Variants in HEXB observed in about 807,000 individuals in gnomAD.
The protein encoded by HEXB is beta-hexosaminidase subunit beta.
In HEXB, 51 loss-of-function variants were observed where a neutral mutation model predicts 71.2. The observed-to-expected ratio is 0.72, with a 90% CI of 0.57 to 0.90. The LOEUF is 0.90. HEXB is among the 40% of genes least tolerant of loss of function. The pLI, the probability that HEXB is intolerant of heterozygous loss-of-function variation, is 0.00. For missense variants in HEXB, 617 were observed against 677.0 expected, an observed-to-expected ratio of 0.91 and a Z score of 0.98; for synonymous variants, 266 against 249.3, an observed-to-expected ratio of 1.07 and a Z score of -0.63.
In HEXB at chr5:74,652,739, C is replaced by T. The variant is rs1580359485; in HGVS notation, c.-377+12181C>T. On this transcript the variant is annotated intron_variant, in intron 1 of 13. Transcript: ENST00000511181. This position sits in a 1 kb window ranked among gnomAD's most constrained non-coding sequence, Gnocchi z 5.4. ...GGGATAGAGGCTCATCTGGTCCTCC[C>T]ACATCTGCCCACAGCACCAGCTCCG... Among the ~76,000 whole-genome samples the T allele has an allele frequency of 6.6e-6, 1 of 152,070 alleles. No individual in the cohort carries two copies. The highest frequency in any genetic ancestry group is 2.4e-5 in the African/African-American group (1 of 41,396).
intron 11 of HEXB, 50 bp downstream of exon 11, chr5:74,719,021 G>T (rs1285258214): frequency 6.4e-7 from 1 of 1,562,616 alleles, no homozygotes; most frequent in Admixed American, 1.7e-5. Flanking sequence ...GAAGCTGATG[G>T]TAAGTGAAGC....
At chr5:74,676,407 C>T (rs1748630754) in intron 1 of HEXB, among the ~76,000 whole-genome samples, 1 of 152,206 alleles carries the variant, frequency 6.6e-6, no homozygotes, top group Non-Finnish European at 1.5e-5. Context: ...AGCTTCTGGA[C>T]TGAAGTGCCA....
At chr5:74,666,144 A>G (rs977509552) in intron 1 of HEXB, among the ~76,000 whole-genome samples, 1 of 152,196 alleles carries the variant, frequency 6.6e-6, no homozygotes, top group Non-Finnish European at 1.5e-5. Context: ...AAGCCCATTT[A>G]TTTCCAGGGG....
upstream of HEXB, chr5:74,685,046 G>A: frequency 1.9e-6 from 1 of 537,394 alleles, no homozygotes; most frequent in Non-Finnish European, 3.2e-6. Flanking sequence ...GCTCCTACCC[G>A]AGGGCACCCC....
At chr5:74,647,595 G>T (rs929195074) in intron 1 of HEXB, among the ~76,000 whole-genome samples, 1 of 152,328 alleles carries the variant, frequency 6.6e-6, no homozygotes, top group South Asian at 2.1e-4. Context: ...ACATGAACAA[G>T]GATATATACA....
chr5:74,685,361 C>G lies in HEXB; in HGVS notation c.101C>G (p.Ala34Gly), dbSNP rs957093606. The G allele has an allele frequency of 6.3e-7, 1 of 1,586,968 alleles. No individual in the cohort carries two copies. Among genetic ancestry groups the G allele is most frequent in the African/African-American group, 1.3e-5 (1 of 74,080 alleles). ...AAMLALLTQV[A>G]LVVQVAEAAR... ...ATGTTGGCGCTGCTGACTCAGGTGG[C>G]GCTGGTGGTGCAGGTGGCGGAGGCG... Residue 34 changes from alanine (A) to glycine (G), a missense_variant, in exon 1 of 14, where the codon GCG becomes GGG. By Grantham distance (60) the Ala-to-Gly change is moderately conservative (BLOSUM62 0). Transcript: ENST00000261416.
rs770910232 is a variant in HEXB at position 74,685,424 on chromosome 5, C to T, written c.164C>T (p.Ala55Val). Residue 55 changes from alanine (A) to valine (V), a missense_variant, in exon 1 of 14, where the codon GCG (alanine) becomes GTG (valine). Physicochemically the swap from Ala to Val is moderately conservative, Grantham distance 64. Transcript: ENST00000261416. ...APSVSAKPGP[A>V]LWPLPLLVKM... ...AGCGTCTCGGCCAAGCCGGGGCCGGCGCTGTGGCCCCTGCCGCTCTTGGTG... is the reference window on the plus strand; with the variant it reads ...AGCGTCTCGGCCAAGCCGGGGCCGGTGCTGTGGCCCCTGCCGCTCTTGGTG... 21 of 1,601,278 alleles carry T rather than the reference C, an allele frequency of 1.3e-5. No individual in the cohort carries two copies. The East Asian group carries it at 4.8e-4, about 37-fold the overall frequency.
chr5:74,664,360 G>A (rs1748391281), intron 1 of HEXB, among the ~76,000 whole-genome samples: 1 of 143,996 alleles, frequency 6.9e-6, no homozygotes. Flanking sequence ...AAGCCCAGGA[G>A]ATGAAGATCA....
At chr5:74,712,715 T>G (rs1400457144) in intron 6 of HEXB, among the ~76,000 whole-genome samples, 1 of 152,172 alleles carries the variant, frequency 6.6e-6, no homozygotes, top group Non-Finnish European at 1.5e-5. Context: ...AATTAATATG[T>G]CCCTGTATTT....
At chr5:74,671,431 T>A (rs1256080413) in intron 1 of HEXB, among the ~76,000 whole-genome samples, 1 of 151,498 alleles carries the variant, frequency 6.6e-6, no homozygotes, top group Admixed American at 6.6e-5. Context: ...AAAAAAGCCA[T>A]ATGGTACATT....
At chr5:74,697,196 G>A in intron 5 of HEXB, 90 bp downstream of exon 5, 1 of 738,238 alleles carries the variant, frequency 1.4e-6, no homozygotes, top group Non-Finnish European at 2.4e-6. Context: ...TGTGTAGTTT[G>A]GAACAGGGGA....
Position 74,720,761 on chromosome 5 carries a change from T to C in HEXB, c.1613+14T>C. ...CAGGATGGTCGAGTAAGAAATCTAT[T>C]AAGTCCAGTGTGATTTTTAACCTTC... On this transcript the variant is annotated intron_variant, in intron 13 of 13. Transcript: ENST00000261416. 6.3e-7 allele frequency: 1 copy of C among 1,587,332 alleles called. No individual in the cohort carries two copies. The highest frequency in any genetic ancestry group is 8.7e-7 in the Non-Finnish European group (1 of 1,155,732).
rs768218036 is a variant in HEXB, at chr5:74,689,368, GAAC to G, written c.341_343del (p.Glu114_Pro115delinsAla). On this transcript the variant is annotated inframe_deletion, in exon 2 of 14. Transcript: ENST00000261416. ...TTTTGGTTTCTACAAGTGGCATCAT[GAAC>G]CTGCTGAATTCCAGGCTAAAACCCA... 13 of 1,612,810 alleles carry G rather than the reference GAAC, an allele frequency of 8.1e-6. No individual in the cohort carries two copies. In the East Asian group the frequency reaches 2.7e-4, roughly 33 times the overall value.
chr5:74,675,060 A>G (rs530586242), intron 1 of HEXB, among the ~76,000 whole-genome samples: 1 of 152,348 alleles, frequency 6.6e-6, no homozygotes, highest in East Asian at 1.9e-4. Flanking sequence ...AGGTGTCAAG[A>G]CTATTGCAAC....
intron 5 of HEXB, among the ~76,000 whole-genome samples, chr5:74,704,240 A>G (rs925987928): frequency 3.9e-5 from 6 of 152,296 alleles, no homozygotes; most frequent in African/African-American, 7.2e-5. Flanking sequence ...TTTATCCTCA[A>G]TATATTTATC....
chr5:74,659,229 C>T (rs1280476226), intron 1 of HEXB, among the ~76,000 whole-genome samples: 1 of 152,038 alleles, frequency 6.6e-6, no homozygotes, highest in Non-Finnish European at 1.5e-5. Flanking sequence ...AATTTTTCAC[C>T]ATAAGTCACC....
At chr5:74,711,383 T>C (rs2112167318) in intron 6 of HEXB, among the ~76,000 whole-genome samples, 2 of 150,598 alleles carry the variant, frequency 1.3e-5, no homozygotes, top group South Asian at 4.2e-4. Flanking sequence ...GGGCAAGGAC[T>C]TCATGTCTAA....
At chr5:74,686,407 G>A (rs924765375) in intron 1 of HEXB, among the ~76,000 whole-genome samples, 3 of 152,234 alleles carry the variant, frequency 2.0e-5, no homozygotes, top group Admixed American at 6.5e-5. Flanking sequence ...CTGCAGAATT[G>A]TAATTTGGTG....
chr5:74,679,516 G>GT (rs1199407159), intron 1 of HEXB, among the ~76,000 whole-genome samples: 1 of 152,144 alleles, frequency 6.6e-6, no homozygotes, highest in African/African-American at 2.4e-5. Flanking sequence ...AGGGAGGACT[G>GT]TTGGCCAGGC....
Sources: allele counts gnomAD v4.1 joint callset (sites outside exome capture counted in the v4.1 genomes callset), GRCh38; gene constraint gnomAD v4.1.1; non-coding constraint Gnocchi (gnomAD v3.1); transcripts MANE v1.5; gene names NCBI Gene and HGNC (gene_info 2026-07-23, HGNC 2026-07-21).